Variants in HORMAD1 observed in about 807,000 individuals in gnomAD.
HORMAD1 encodes the protein HORMA domain-containing protein 1.
HORMAD1 carries 33 observed loss-of-function variants against 58.2 expected under a neutral mutation model. The observed-to-expected ratio is 0.57, with a 90% CI of 0.43 to 0.76. The LOEUF (loss-of-function observed/expected upper bound fraction) is 0.76, where lower values mean the gene tolerates loss of function less well. Among genes scored for constraint, HORMAD1 ranks in the 30% least tolerant of loss-of-function variants. The pLI is 0.00. For synonymous variants in HORMAD1, 137 were observed against 144.6 expected, an observed-to-expected ratio of 0.95 and a Z score of 0.38; for missense variants, 363 against 462.0, an observed-to-expected ratio of 0.79 and a Z score of 1.96.
intron 5 of HORMAD1, chr1:150,713,850 T>C: frequency 2.1e-6 from 1 of 482,610 alleles, no homozygotes; most frequent in Non-Finnish European, 3.7e-6. Context: ...GTGTTATTAA[T>C]ACAAATAAGT....
At chr1:150,701,445 C>T (rs1651534932) in intron 13 of HORMAD1, among the ~76,000 whole-genome samples, 1 of 152,062 alleles carries the variant, frequency 6.6e-6, no homozygotes, top group African/African-American at 2.4e-5. Flanking sequence ...AGTAGTGTTC[C>T]AATAAATGTT....
intron 3 of HORMAD1, among the ~76,000 whole-genome samples, chr1:150,716,150 CTTTTTTTTTTTTTTT>C (rs752800084): frequency 1.0e-4 from 7 of 68,732 alleles, no homozygotes; most frequent in Admixed American, 1.0e-3. Flanking sequence ...CAAAGGACCA[CTTTTTTTTTTTTTTT>C]TTTTTTTTTT....
chr1:150,718,501 C>T (rs752310952), intron 2 of HORMAD1, among the ~76,000 whole-genome samples: 1 of 152,122 alleles, frequency 6.6e-6, no homozygotes, highest in Non-Finnish European at 1.5e-5. Flanking sequence ...TCTGTAAATG[C>T]ATAACACATG....
At chr1:150,718,191 A>G (rs1229659430) in intron 2 of HORMAD1, among the ~76,000 whole-genome samples, 1 of 152,072 alleles carries the variant, frequency 6.6e-6, no homozygotes, top group Non-Finnish European at 1.5e-5. Flanking sequence ...ACCCATACCA[A>G]TTAGCAATCA....
rs773614450 is a variant in HORMAD1, at chr1:150,713,927, T to C, written c.279+158A>G. On this transcript the variant is annotated intron_variant, in intron 5 of 14. Coordinates refer to ENST00000361824, the MANE Select transcript of HORMAD1 (RefSeq NM_032132.5). ...CCATTATCTTTAAATGAGTTGATGA[T>C]TAGTCTTTAAAATATTCAAATGTTT... 27 of 618,684 alleles carry C rather than the reference T, an allele frequency of 4.4e-5. No homozygotes were observed. The East Asian group carries it at 7.3e-4, about 17-fold the overall frequency. The allele number at this position is 618,684 out of a possible 1,614,324, so 38.3% of individuals were successfully genotyped here.
In HORMAD1 at chr1:150,708,383, G is replaced by T; in HGVS notation, c.420C>A (p.Ser140Arg). 1 of 1,601,382 alleles carries T rather than the reference G, an allele frequency of 6.2e-7. No individual in the cohort carries two copies. Among genetic ancestry groups the T allele is most frequent in the South Asian group, 1.1e-5 (1 of 88,590 alleles). The change falls in exon 9 of 15, where the codon AGC becomes AGA. Residue 140 changes from serine to arginine, a missense_variant. This residue lies in a region of HORMAD1 where 128 missense variants were observed against 171.8 expected (regional missense o/e 0.74). Coordinates refer to ENST00000361824, the MANE Select transcript of HORMAD1 (RefSeq NM_032132.5). ...CTTTCTTGGTGTCAGTAGACAACAT[G>T]CTAGATTCGTTGCTTTGGTTTTTAC... ...FISKNQSNES[S>R]MLSTDTKKAS... is the part of the protein sequence containing the mutation.
Position 150,708,832 on chromosome 1 carries a change from A to G in HORMAD1, c.395+62T>C, listed in dbSNP as rs1651774376. On this transcript the variant is annotated intron_variant, in intron 8 of 14. Transcript: ENST00000361824. Reference sequence around the variant, plus strand: ...TCAGAATGAATCCTGAGGTTTAGCTATATAGCATTAATATGAATAAGTGGT... The same window carrying G: ...TCAGAATGAATCCTGAGGTTTAGCTGTATAGCATTAATATGAATAAGTGGT... 8 of 863,254 alleles carry G rather than the reference A, an allele frequency of 9.3e-6. No individual in the cohort carries two copies. In the South Asian group the frequency reaches 1.1e-4, roughly 12 times the overall value. 53.5% of individuals were successfully genotyped at this position (863,254 alleles called of 1,614,324 possible).
At chr1:150,705,085 C>T (rs765206469) in intron 10 of HORMAD1, among the ~76,000 whole-genome samples, 1 of 151,984 alleles carries the variant, frequency 6.6e-6, no homozygotes, top group South Asian at 2.1e-4. Flanking sequence ...AACCAGAAAA[C>T]CCCAAAAACC....
chr1:150,703,997 C>A, intron 12 of HORMAD1, 121 bp downstream of exon 12: 1 of 634,850 alleles, frequency 1.6e-6, no homozygotes. Context: ...AACAAGCATT[C>A]TAAATATTGA....
chr1:150,703,428 A>G (rs756616711), intron 12 of HORMAD1, 35 bp from the exon 13 acceptor site: 192 of 1,187,204 alleles, frequency 1.6e-4, no homozygotes, highest in Non-Finnish European at 1.7e-4. Context: ...AATATAACTT[A>G]GTATAATAAA....
intron 8 of HORMAD1, 23 bp downstream of exon 8, chr1:150,708,871 A>T: frequency 8.0e-7 from 1 of 1,249,298 alleles, no homozygotes; most frequent in Non-Finnish European, 1.2e-6. Context: ...CTGTAATACA[A>T]ACAGAAAACT....
rs1651707549 is a variant in HORMAD1 at position 150,706,740 on chromosome 1, TC to T, written c.616del (p.Glu206AsnfsTer5). The T allele has an allele frequency of 1.2e-6, 2 of 1,613,412 alleles. No individual in the cohort carries two copies. The highest frequency in any genetic ancestry group is 1.7e-6 in the Non-Finnish European group (2 of 1,179,548). On this transcript the variant is annotated frameshift_variant, in exon 10 of 15. Transcript: ENST00000361824. LOFTEE classifies it high-confidence loss of function. Reference sequence around the variant, plus strand: ...TTCTCCCACATTTAAATACATAGGTTCCCCTTCAAATATAACTCCTTCACAA... The same window carrying T: ...TTCTCCCACATTTAAATACATAGGTTCCCTTCAAATATAACTCCTTCACAA... Reference protein sequence around the residue: ...GDCEGVIFEGEPMYLNVGEVS... With the variant: ...GDCEGVIFEGXPMYLNVGEVS...
chr1:150,705,603 T>C (rs1651668242), intron 10 of HORMAD1, among the ~76,000 whole-genome samples: 1 of 152,156 alleles, frequency 6.6e-6, no homozygotes, highest in Non-Finnish European at 1.5e-5. Context: ...ATGGTAGAAA[T>C]TGCAACAGGT....
At chr1:150,713,262 T>C (rs1479396593) in intron 5 of HORMAD1, among the ~76,000 whole-genome samples, 1 of 152,212 alleles carries the variant, frequency 6.6e-6, no homozygotes, top group Non-Finnish European at 1.5e-5. Context: ...TGATTTGTTT[T>C]ATTAACTACT....
chr1:150,704,913 C>T (rs1188230505), intron 10 of HORMAD1, among the ~76,000 whole-genome samples: 2 of 152,028 alleles, frequency 1.3e-5, no homozygotes, highest in Admixed American at 6.6e-5. Context: ...CGTGGTGGCA[C>T]ATGCTTGTAA....
intron 7 of HORMAD1, among the ~76,000 whole-genome samples, chr1:150,709,387 C>G (rs1395155762): frequency 6.6e-6 from 1 of 152,190 alleles, no homozygotes; most frequent in African/African-American, 2.4e-5. Context: ...TGTATGAAAT[C>G]AAGGTTTAAG....
intron 13 of HORMAD1, among the ~76,000 whole-genome samples, chr1:150,702,406 G>T (rs1651564117): frequency 6.6e-6 from 1 of 152,144 alleles, no homozygotes; most frequent in African/African-American, 2.4e-5. Flanking sequence ...ATTTGTCCCA[G>T]TAATCCCATT....
At chr1:150,710,994 C>T (rs1651859511) in intron 7 of HORMAD1, among the ~76,000 whole-genome samples, 1 of 152,170 alleles carries the variant, frequency 6.6e-6, no homozygotes. Context: ...GTGGTTACCT[C>T]ATGAAGGTTG....
intron 7 of HORMAD1, among the ~76,000 whole-genome samples, chr1:150,711,124 C>G (rs1651891285): frequency 6.6e-6 from 1 of 152,144 alleles, no homozygotes. Context: ...TCACGTTCTC[C>G]CTTCTCTCCT....
Sources: gnomAD v4.1 joint callset for allele counts (sites outside exome capture counted in the v4.1 genomes callset) on GRCh38, gnomAD v4.1.1 for gene constraint, gnomAD v4.1.1 regional missense constraint, MANE v1.5 for transcripts, NCBI Gene and HGNC (gene_info 2026-07-23, HGNC 2026-07-21) for gene names.